The following ELOVL4 variants were observed in gnomAD, a reference collection of about 807,000 sequenced individuals.
ELOVL4 encodes the protein ELOVL fatty acid elongase 4.
In ELOVL4, 18 loss-of-function variants were observed where a neutral mutation model predicts 42.1. That is an observed-to-expected ratio of 0.43 (90% CI 0.30 to 0.63). The LOEUF (loss-of-function observed/expected upper bound fraction) is 0.63. Ranked by LOEUF, ELOVL4 falls within the 30% of genes least tolerant of loss-of-function variation. The pLI is 0.15. For synonymous variants in ELOVL4, 117 were observed against 127.0 expected (o/e 0.92, Z 0.53); for missense variants, 299 against 376.2 (o/e 0.79, Z 1.70).
chr6:79,947,516 A>T lies in ELOVL4; in HGVS notation c.-237T>A. 2 of 549,114 alleles carry T rather than the reference A, an allele frequency of 3.6e-6. No homozygotes were observed. The highest frequency in any genetic ancestry group is 3.0e-5 in the Admixed American group (1 of 33,372). The allele number at this position is 549,114 out of a possible 1,614,324, so 34.0% of individuals were successfully genotyped here. On this transcript the variant is annotated 5_prime_UTR_variant, in exon 1 of 6. Coordinates refer to ENST00000369816, the MANE Select transcript of ELOVL4 (RefSeq NM_022726.4). ...CGGGAGAAAGACGAGGAGGTGGAGG[A>T]GGCCCAGCCGCCAGCACAGTGCGCT...
chr6:79,945,992 C>A (rs181003772), intron 1 of ELOVL4, among the ~76,000 whole-genome samples: 20 of 152,324 alleles, frequency 1.3e-4, no homozygotes, highest in African/African-American at 4.6e-4. Flanking sequence ...TTCCAGCATA[C>A]GTTTTTCCCA....
At chr6:79,938,298 T>A (rs1254588138) in intron 1 of ELOVL4, among the ~76,000 whole-genome samples, 1 of 152,160 alleles carries the variant, frequency 6.6e-6, no homozygotes, top group Non-Finnish European at 1.5e-5. Flanking sequence ...GCCAATGAAC[T>A]CAAAGCTTTA....
At chr6:79,921,069 C>T (rs960748712) in intron 4 of ELOVL4, among the ~76,000 whole-genome samples, 5 of 152,052 alleles carry the variant, frequency 3.3e-5, no homozygotes, top group African/African-American at 9.7e-5. Context: ...TGTTTTCTAC[C>T]TTTAGTCTTG....
chr6:79,936,642 T>G (rs239527), intron 1 of ELOVL4, among the ~76,000 whole-genome samples: 35,544 of 152,138 alleles, frequency 0.23, 6,023 homozygotes, highest in African/African-American at 0.48. Context: ...AGAAGAGTCT[T>G]GGAAAGAGCT....
chr6:79,934,968 T>C (rs1774518874), intron 1 of ELOVL4, among the ~76,000 whole-genome samples: 1 of 152,192 alleles, frequency 6.6e-6, no homozygotes, highest in African/African-American at 2.4e-5. Context: ...TGACATAGAC[T>C]GAGAAGACAT....
intron 1 of ELOVL4, among the ~76,000 whole-genome samples, chr6:79,944,174 T>C (rs1385118131): frequency 6.6e-6 from 1 of 152,224 alleles, no homozygotes; most frequent in Non-Finnish European, 1.5e-5. Flanking sequence ...ATAATGTAGA[T>C]AAGTTGGGTA....
rs1366073401 is a variant in ELOVL4 at position 79,947,297 on chromosome 6, G to C, written c.-18C>G. On this transcript the variant is annotated 5_prime_UTR_variant, in exon 1 of 6. Transcript: ENST00000369816. ...AGCCCCATCGCGGCGATGAGCGGGCGCTGGCGGCAGGAGAAAGCGGAGACC... is the reference window on the plus strand; with the variant it reads ...AGCCCCATCGCGGCGATGAGCGGGCCCTGGCGGCAGGAGAAAGCGGAGACC... 1.3e-6 allele frequency: 2 copies of C among 1,597,984 alleles called. No homozygotes were observed. The highest frequency in any genetic ancestry group is 4.5e-5 in the East Asian group (2 of 44,658).
intron 4 of ELOVL4, 151 bp downstream of exon 4, chr6:79,921,474 A>C: frequency 3.4e-6 from 2 of 594,184 alleles, no homozygotes; most frequent in Non-Finnish European, 2.8e-6. Flanking sequence ...AAAAAAAAAA[A>C]AAAAAAAAAA....
At chr6:79,937,261 T>TA (rs1405455861) in intron 1 of ELOVL4, among the ~76,000 whole-genome samples, 1 of 152,080 alleles carries the variant, frequency 6.6e-6, no homozygotes, top group Non-Finnish European at 1.5e-5. Flanking sequence ...AGGACAGAGT[T>TA]AAAAAGCAGA....
chr6:79,934,963 T>C (rs141123327), intron 1 of ELOVL4, among the ~76,000 whole-genome samples: 2 of 152,320 alleles, frequency 1.3e-5, no homozygotes, highest in Admixed American at 6.5e-5. Context: ...TTTTATGACA[T>C]AGACTGAGAA....
At chr6:79,919,977 T>C (rs1201756723) in intron 4 of ELOVL4, among the ~76,000 whole-genome samples, 2 of 152,204 alleles carry the variant, frequency 1.3e-5, no homozygotes, top group South Asian at 2.1e-4. Flanking sequence ...ACTACACACA[T>C]TGAATAATTC....
chr6:79,931,891 G>C (rs1236583886), intron 1 of ELOVL4, among the ~76,000 whole-genome samples: 6 of 152,172 alleles, frequency 3.9e-5, no homozygotes, highest in African/African-American at 1.4e-4. Context: ...GTCTCCTTTG[G>C]TAATGGGTTT....
At chr6:79,929,363 C>T (rs1281818764) in intron 1 of ELOVL4, among the ~76,000 whole-genome samples, 2 of 152,214 alleles carry the variant, frequency 1.3e-5, no homozygotes, top group African/African-American at 4.8e-5. Context: ...ACCTCAGACT[C>T]CCAAGTAGCT....
chr6:79,937,908 A>C (rs146208869), intron 1 of ELOVL4, among the ~76,000 whole-genome samples: 2 of 152,288 alleles, frequency 1.3e-5, no homozygotes, highest in Non-Finnish European at 2.9e-5. Flanking sequence ...ATGCTCAATA[A>C]ATGGTAGTGA....
intron 1 of ELOVL4, among the ~76,000 whole-genome samples, chr6:79,943,259 A>T (rs770012962): frequency 1.3e-5 from 2 of 152,184 alleles, no homozygotes; most frequent in Non-Finnish European, 2.9e-5. Context: ...CTTTTACTTC[A>T]GCTTATTTGA....
chr6:79,920,516 T>C (rs1774235004), intron 4 of ELOVL4, among the ~76,000 whole-genome samples: 2 of 152,210 alleles, frequency 1.3e-5, no homozygotes, highest in South Asian at 4.1e-4. Flanking sequence ...TGATTTCAGA[T>C]TTTTTTAAAC....
chr6:79,925,659 T>C (rs997630457), intron 2 of ELOVL4, among the ~76,000 whole-genome samples: 5 of 152,178 alleles, frequency 3.3e-5, no homozygotes, highest in Non-Finnish European at 7.4e-5. Flanking sequence ...CCCAGAAAAG[T>C]ATATAATGAT....
At chr6:79,927,955 T>C (rs1271234419) in intron 1 of ELOVL4, among the ~76,000 whole-genome samples, 2 of 152,184 alleles carry the variant, frequency 1.3e-5, no homozygotes, top group African/African-American at 4.8e-5. Flanking sequence ...TAAAAAGGCG[T>C]TGTGCCACGA....
intron 5 of ELOVL4, among the ~76,000 whole-genome samples, chr6:79,917,366 A>T (rs1774180092): frequency 6.6e-6 from 1 of 152,018 alleles, no homozygotes. Context: ...TAGGCTCTTC[A>T]ATTTTGTTTT....
Sources: allele counts gnomAD v4.1 joint callset (sites outside exome capture counted in the v4.1 genomes callset), GRCh38; gene constraint gnomAD v4.1.1; transcripts MANE v1.5; gene names NCBI Gene and HGNC (gene_info 2026-07-23, HGNC 2026-07-21).